The following ZSCAN5A variants were observed in gnomAD, a reference collection of about 807,000 sequenced individuals.
ZSCAN5A encodes the protein zinc finger and SCAN domain containing 5A.
Under a neutral mutation model 23.7 loss-of-function variants are expected in ZSCAN5A, and 12 were observed. The ratio of observed to expected loss-of-function variants is 0.51; its 90% CI spans 0.32 to 0.82. The LOEUF is 0.82. Among genes scored for constraint, ZSCAN5A ranks in the 40% least tolerant of loss-of-function variants. The pLI, the probability that ZSCAN5A is intolerant of heterozygous loss-of-function variation, is 0.03. For missense variants in ZSCAN5A, 597 were observed against 617.9 expected, an observed-to-expected ratio of 0.97 and a Z score of 0.36; for synonymous variants, 257 against 239.9, an observed-to-expected ratio of 1.07 and a Z score of -0.66.
chr19:56,275,537 C>T lies in ZSCAN5A; in HGVS notation c.-128+37746G>A, dbSNP rs1449208282. On this transcript the variant is annotated intron_variant, in intron 2 of 5. Transcript: ENST00000683990. ...CTTGAGGCCAGGAGTTTGAGACCAG[C>T]CTGGGCAACATAGTGAGACTCATCT... Among the ~76,000 whole-genome samples the T allele has an allele frequency of 2.6e-5, 4 of 152,070 alleles. No homozygotes were observed. The South Asian group carries it at 8.3e-4, about 32-fold the overall frequency.
intron 2 of ZSCAN5A, chr19:56,320,867 A>G: frequency 1.3e-6 from 1 of 770,354 alleles, no homozygotes; most frequent in South Asian, 1.3e-5. Flanking sequence ...ATCCTGGACA[A>G]GCTTCATGTA....
rs1009619570 is a variant in ZSCAN5A at position 56,321,234 on chromosome 19, A to G, written c.-357-4966T>C. 89 of 672,172 alleles carry G rather than the reference A, an allele frequency of 1.3e-4. No homozygotes were observed. In the East Asian group the frequency reaches 1.9e-3, roughly 14 times the overall value. The allele number at this position is 672,172 out of a possible 1,614,324, so 41.6% of individuals were successfully genotyped here. ...TTCTGAAGGACTTGGATGGTGTGTA[A>G]TATCAGTTGGGGTATCAGTAGTGCC... On this transcript the variant is annotated intron_variant, in intron 2 of 6. Transcript: ENST00000587340.
rs10402583 is a variant in ZSCAN5A, at chr19:56,238,534, G to A, written c.-127-13361C>T. Among the ~76,000 whole-genome samples, 340 of 152,282 alleles carry A rather than the reference G, an allele frequency of 2.2e-3. 2 individuals are homozygous for A. Among genetic ancestry groups the A allele is most frequent in the African/African-American group, 7.7e-3 (318 of 41,550 alleles). On this transcript the variant is annotated intron_variant, in intron 2 of 5. Transcript: ENST00000683990. ...GTAATTCCAGATACTCACTCAGGAGGCTGGAGCAGGAGGCTCTCTTGAGCC... is the reference window on the plus strand; with the variant it reads ...GTAATTCCAGATACTCACTCAGGAGACTGGAGCAGGAGGCTCTCTTGAGCC...
chr19:56,239,779 T>TTATCAAACCAG (rs1419202646), intron 2 of ZSCAN5A, among the ~76,000 whole-genome samples: 2 of 152,132 alleles, frequency 1.3e-5, no homozygotes, highest in Non-Finnish European at 1.5e-5. Flanking sequence ...AAATCACTGG[T>TTATCAAACCAG]TTGATATTAA....
chr19:56,316,954 C>T (rs534169645), upstream of ZSCAN5A, among the ~76,000 whole-genome samples: 7 of 152,226 alleles, frequency 4.6e-5, no homozygotes, highest in South Asian at 6.2e-4. Flanking sequence ...CTCCCACCTC[C>T]GCCACCTGAG....
chr19:56,348,326 T>G (rs77829892), intron 2 of ZSCAN5A: 1 of 152,312 alleles, frequency 6.6e-6, no homozygotes, highest in East Asian at 1.9e-4. Flanking sequence ...TCCAATCTTT[T>G]TCTCAACCTT....
chr19:56,228,761 GA>G (rs572772706), intron 2 of ZSCAN5A, among the ~76,000 whole-genome samples: 2 of 151,666 alleles, frequency 1.3e-5, no homozygotes, highest in African/African-American at 2.4e-5. Flanking sequence ...ATTTTTTACT[GA>G]AAAAAAGAGA....
chr19:56,354,143 TAA>T (rs968536714), intron 2 of ZSCAN5A, among the ~76,000 whole-genome samples: 1 of 152,166 alleles, frequency 6.6e-6, no homozygotes, highest in African/African-American at 2.4e-5. Flanking sequence ...GGGAAGAGAA[TAA>T]AAAGAGTTGC....
At chr19:56,349,462 C>T (rs150239359) in intron 2 of ZSCAN5A, among the ~76,000 whole-genome samples, 1,739 of 152,044 alleles carry the variant, frequency 0.011, 31 homozygotes, top group African/African-American at 0.04. Context: ...TTTGGGAGGC[C>T]GAGACGGGCG....
intron 2 of ZSCAN5A, among the ~76,000 whole-genome samples, chr19:56,247,844 A>C (rs2036053379): frequency 6.6e-6 from 1 of 152,004 alleles, no homozygotes; most frequent in African/African-American, 2.4e-5. Context: ...GGCGCCTGCC[A>C]CCATGCCCGG....
chr19:56,230,878 C>A (rs1278054662), intron 2 of ZSCAN5A, among the ~76,000 whole-genome samples: 4 of 152,190 alleles, frequency 2.6e-5, no homozygotes, highest in Non-Finnish European at 5.9e-5. Flanking sequence ...CAGGCAAAAT[C>A]ATTCACAGGA....
At chr19:56,337,027 G>A (rs1314284659) in intron 2 of ZSCAN5A, among the ~76,000 whole-genome samples, 1 of 152,196 alleles carries the variant, frequency 6.6e-6, no homozygotes, top group African/African-American at 2.4e-5. Flanking sequence ...CTACTCGGGG[G>A]TCAGGGACCC....
At chr19:56,347,544 C>G (rs1431754205) in intron 2 of ZSCAN5A, 1 of 152,154 alleles carries the variant, frequency 6.6e-6, no homozygotes, top group Non-Finnish European at 1.5e-5. Flanking sequence ...GTCTGGCTCT[C>G]TCAGCTAAGG....
intron 5 of ZSCAN5A, 129 bp downstream of exon 5, chr19:56,222,462 G>A (rs1473183537): frequency 1.3e-6 from 2 of 1,548,490 alleles, no homozygotes; most frequent in African/African-American, 2.8e-5. Flanking sequence ...TAGGTCTCTG[G>A]AAAGTAGAGG....
intron 2 of ZSCAN5A, among the ~76,000 whole-genome samples, chr19:56,272,547 C>T (rs1341166795): frequency 1.3e-5 from 2 of 152,184 alleles, no homozygotes; most frequent in Non-Finnish European, 2.9e-5. Context: ...ATAGGCCCTA[C>T]AAAAACAGGA....
chr19:56,328,113 C>T (rs2041453180), intron 2 of ZSCAN5A, among the ~76,000 whole-genome samples: 1 of 152,056 alleles, frequency 6.6e-6, no homozygotes, highest in Non-Finnish European at 1.5e-5. Flanking sequence ...AAGAGAGAAG[C>T]ATGGATGGAC....
chr19:56,276,725 C>T (rs1040742403), intron 2 of ZSCAN5A, among the ~76,000 whole-genome samples: 7 of 151,716 alleles, frequency 4.6e-5, no homozygotes, highest in Non-Finnish European at 7.4e-5. Context: ...TCAGTATAGA[C>T]GGGGTTTCAC....
chr19:56,320,575 G>A (rs2041364906), intron 2 of ZSCAN5A: 1 of 536,754 alleles, frequency 1.9e-6, no homozygotes, highest in Non-Finnish European at 3.4e-6. Context: ...TCATACCATT[G>A]CACTCCAGCC....
At position 56,228,378 on chromosome 19, in the gene ZSCAN5A, C is replaced by G. The variant is rs28369316; in HGVS notation, c.-127-3205G>C. The G allele has an allele frequency of 0.74, 721,973 of 974,464 alleles. 266,943 individuals carry two copies. Among genetic ancestry groups the G allele is most frequent in the East Asian group, 0.81 (6,988 of 8,668 alleles). The allele number at this position is 974,464 out of a possible 1,614,324, so 60.4% of individuals were successfully genotyped here. On this transcript the variant is annotated intron_variant, in intron 2 of 5. Transcript: ENST00000683990. ...CCGCGTTTCCGGTTCCCTGCGCCGC[C>G]CCGTGATTGGTTTAGGGCCATAGAG...
Sources: allele counts gnomAD v4.1 joint callset (sites outside exome capture counted in the v4.1 genomes callset), GRCh38; gene constraint gnomAD v4.1.1; transcripts MANE v1.5; gene names NCBI Gene and HGNC (gene_info 2026-07-23, HGNC 2026-07-21).